The following DCUN1D1 variants were observed in gnomAD, a reference collection of about 807,000 sequenced individuals.
The protein encoded by DCUN1D1 is DCN1-like protein 1.
In DCUN1D1, 3 loss-of-function variants were observed where a neutral mutation model predicts 39.0. The ratio of observed to expected loss-of-function variants is 0.08; its 90% CI spans 0.04 to 0.20. The LOEUF is 0.20. Among genes scored for constraint, DCUN1D1 ranks in the 10% least tolerant of loss-of-function variants. DCUN1D1 has a pLI of 1.00. For missense variants in DCUN1D1, 158 were observed against 302.4 expected, an observed-to-expected ratio of 0.52 and a Z score of 3.54; for synonymous variants, 82 against 96.3, an observed-to-expected ratio of 0.85 and a Z score of 0.87.
intron 1 of DCUN1D1, among the ~76,000 whole-genome samples, chr3:182,968,387 A>G (rs1727775410): frequency 6.6e-6 from 1 of 152,164 alleles, no homozygotes; most frequent in Non-Finnish European, 1.5e-5. Context: ...GGAAGGAAAA[A>G]TCATAGCTTA....
At chr3:182,966,342 G>A (rs998947546) in intron 1 of DCUN1D1, among the ~76,000 whole-genome samples, 11 of 152,202 alleles carry the variant, frequency 7.2e-5, no homozygotes, top group African/African-American at 2.6e-4. Flanking sequence ...AGGAGTATTC[G>A]ACATTTCTCC....
chr3:182,972,524 C>T (rs1474187447), intron 1 of DCUN1D1, among the ~76,000 whole-genome samples: 1 of 152,180 alleles, frequency 6.6e-6, no homozygotes. Context: ...CGCCTGTAAT[C>T]CCAGCACTTT....
At chr3:182,962,699 T>C (rs1313554285) in intron 3 of DCUN1D1, among the ~76,000 whole-genome samples, 2 of 152,234 alleles carry the variant, frequency 1.3e-5, no homozygotes, top group African/African-American at 2.4e-5. Flanking sequence ...CTGTTATGCC[T>C]TGGAGTTTCC....
chr3:182,954,765 A>C (rs2108635089), intron 4 of DCUN1D1, among the ~76,000 whole-genome samples: 1 of 152,316 alleles, frequency 6.6e-6, no homozygotes. Flanking sequence ...TTTACTTGAG[A>C]TCATTTACCA....
chr3:182,971,475 C>T (rs967033353), intron 1 of DCUN1D1, among the ~76,000 whole-genome samples: 4 of 150,414 alleles, frequency 2.7e-5, no homozygotes, highest in Admixed American at 6.6e-5. Flanking sequence ...TGGGAGGCTG[C>T]GGTGGGAGGA....
chr3:182,966,140 G>A (rs894466509), intron 1 of DCUN1D1, among the ~76,000 whole-genome samples: 5 of 151,968 alleles, frequency 3.3e-5, no homozygotes, highest in African/African-American at 1.2e-4. Flanking sequence ...ATGATCAGAC[G>A]CAGGGAAGAA....
intron 1 of DCUN1D1, 148 bp downstream of exon 1, chr3:182,980,339 G>A (rs1207948481): frequency 7.7e-6 from 4 of 516,202 alleles, no homozygotes; most frequent in Non-Finnish European, 1.0e-5. Flanking sequence ...AGGCAGGCAG[G>A]AGAGCCCCCG....
At chr3:182,974,864 G>T (rs1728139011) in intron 1 of DCUN1D1, among the ~76,000 whole-genome samples, 1 of 150,894 alleles carries the variant, frequency 6.6e-6, no homozygotes, top group Admixed American at 6.6e-5. Flanking sequence ...AGTAATAAAA[G>T]ACTATTTCAG....
upstream of DCUN1D1, chr3:182,980,749 G>C (rs1728510447): frequency 5.5e-6 from 1 of 182,242 alleles, no homozygotes; most frequent in South Asian, 1.9e-4. Flanking sequence ...CGGCGGGGGA[G>C]GGGCGGGCGA....
At chr3:182,978,293 A>G (rs1023718041) in intron 1 of DCUN1D1, among the ~76,000 whole-genome samples, 1 of 152,232 alleles carries the variant, frequency 6.6e-6, no homozygotes, top group Non-Finnish European at 1.5e-5. Context: ...AGAAACAAAT[A>G]TATGTAAGAT....
At chr3:182,974,438 A>G (rs1728105745) in intron 1 of DCUN1D1, among the ~76,000 whole-genome samples, 1 of 151,324 alleles carries the variant, frequency 6.6e-6, no homozygotes. Flanking sequence ...TTGTTTTCTA[A>G]AGTAATCTTA....
rs985806624 is a variant in DCUN1D1, at chr3:182,943,608, G to A, written c.*1486C>T. 9 of 152,198 alleles carry A rather than the reference G, an allele frequency of 5.9e-5. No individual in the cohort carries two copies. Among genetic ancestry groups the A allele is most frequent in the African/African-American group, 2.2e-4 (9 of 41,420 alleles). The allele number at this position is 152,198 out of a possible 1,614,324, so 9.4% of individuals were successfully genotyped here. A position where few individuals can be genotyped will look rare whatever the true frequency, so the allele number is the denominator to read the frequency against. On this transcript the variant is annotated 3_prime_UTR_variant, in exon 7 of 7. Coordinates refer to ENST00000292782, the MANE Select transcript of DCUN1D1 (RefSeq NM_020640.4). ...GTTAATATCAACCCTAGACCTTAGA[G>A]AGTGCCTGGATATATATCCCAAGCA...
At chr3:182,956,291 C>T (rs1727058751) in intron 4 of DCUN1D1, 1 of 276,050 alleles carries the variant, frequency 3.6e-6, no homozygotes, top group East Asian at 9.3e-5. Context: ...AGGCACGTTG[C>T]CTTTCTGGGA....
chr3:182,972,206 G>A (rs1473424600), intron 1 of DCUN1D1, among the ~76,000 whole-genome samples: 9 of 151,372 alleles, frequency 5.9e-5, no homozygotes, highest in Non-Finnish European at 1.3e-4. Context: ...AGTTTTAAAT[G>A]TACACAGGTT....
intron 2 of DCUN1D1, 34 bp downstream of exon 2, chr3:182,965,503 C>T: frequency 6.7e-7 from 1 of 1,487,798 alleles, no homozygotes; most frequent in Non-Finnish European, 9.3e-7. Context: ...AAATCTGGTC[C>T]AAAATTTACT....
In DCUN1D1 at chr3:182,980,521, TC is replaced by T; in HGVS notation, c.-33del. On this transcript the variant is annotated 5_prime_UTR_variant, in exon 1 of 7. Transcript: ENST00000292782. ...GTCCTCCAGGCCTCTCCCCTCCTCC[TC>T]CGGCTCCGCAGCGAATGGACGGCGG... 8.1e-7 allele frequency: 1 copy of T among 1,236,554 alleles called. No individual in the cohort carries two copies. The highest frequency in any genetic ancestry group is 1.9e-5 in the South Asian group (1 of 52,496). 76.6% of individuals were successfully genotyped at this position (1,236,554 alleles called of 1,614,324 possible). A position where few individuals can be genotyped will look rare whatever the true frequency, so the allele number is the denominator to read the frequency against.
intron 1 of DCUN1D1, among the ~76,000 whole-genome samples, chr3:182,968,284 T>G (rs1461850846): frequency 6.6e-6 from 1 of 152,194 alleles, no homozygotes; most frequent in Non-Finnish European, 1.5e-5. Flanking sequence ...AAGTTGGAAG[T>G]GGCAAAACAA....
chr3:182,979,547 T>A (rs151057261), intron 1 of DCUN1D1, among the ~76,000 whole-genome samples: 4 of 151,616 alleles, frequency 2.6e-5, no homozygotes, highest in African/African-American at 9.7e-5. Flanking sequence ...GGTACTTAAT[T>A]ACCAAAGTAA....
intron 4 of DCUN1D1, among the ~76,000 whole-genome samples, chr3:182,948,674 T>A (rs531518211): frequency 2.2e-4 from 34 of 152,248 alleles, no homozygotes; most frequent in African/African-American, 8.2e-4. Flanking sequence ...ATAGATGACA[T>A]CTCGAAACCA....
Sources: allele counts gnomAD v4.1 joint callset (sites outside exome capture counted in the v4.1 genomes callset), GRCh38; gene constraint gnomAD v4.1.1; transcripts MANE v1.5; gene names NCBI Gene and HGNC (gene_info 2026-07-23, HGNC 2026-07-21).